Variants in ABCA13 observed in about 807,000 individuals in gnomAD.
The protein encoded by ABCA13 is ATP binding cassette subfamily A member 13, also known as ATP-binding cassette sub-family A member 13.
In ABCA13, 476 loss-of-function variants were observed where a neutral mutation model predicts 478.7. The observed-to-expected ratio is 0.99, with a 90% CI of 0.92 to 1.07. ABCA13 has a LOEUF of 1.07. Among genes scored for constraint, ABCA13 ranks in the 50% least tolerant of loss-of-function variants. The pLI, the probability that ABCA13 is intolerant of heterozygous loss-of-function variation, is 0.00. For synonymous variants in ABCA13, 2,252 were observed against 2,158.9 expected (o/e 1.04, Z -1.20); for missense variants, 6,060 against 5,910.6 (o/e 1.03, Z -0.83).
intron 34 of ABCA13, 33 bp downstream of exon 34, chr7:48,374,449 A>G: frequency 1.3e-6 from 2 of 1,573,834 alleles, no homozygotes; most frequent in African/African-American, 1.4e-5. Flanking sequence ...AGTGACTCTC[A>G]GTGAATCACG....
At chr7:48,480,221 C>T (rs1465556299) in intron 45 of ABCA13, among the ~76,000 whole-genome samples, 2 of 152,160 alleles carry the variant, frequency 1.3e-5, no homozygotes, top group African/African-American at 4.8e-5. Context: ...CATATAACCC[C>T]CACCAGTTTT....
intron 27 of ABCA13, 88 bp from the exon 28 acceptor site, chr7:48,335,334 G>T: frequency 2.3e-6 from 2 of 872,964 alleles, no homozygotes; most frequent in Admixed American, 3.0e-5. Flanking sequence ...TTGCTCTGGT[G>T]GCCACATCAT....
At chr7:48,496,281 A>T (rs977561444) in intron 48 of ABCA13, among the ~76,000 whole-genome samples, 1 of 152,184 alleles carries the variant, frequency 6.6e-6, no homozygotes, top group South Asian at 2.1e-4. Context: ...TCTAGGTGTT[A>T]TAATACATAT....
At chr7:48,225,135 G>GCCTTCCTT (rs1202516045) in intron 5 of ABCA13, among the ~76,000 whole-genome samples, 1,321 of 69,852 alleles carry the variant, frequency 0.019, 32 homozygotes, top group South Asian at 0.038. Context: ...CTGCCTGCCT[G>GCCTTCCTT]CCTTCCTTCC....
At chr7:48,296,950 T>A (rs1799461086) in intron 21 of ABCA13, among the ~76,000 whole-genome samples, 1 of 152,186 alleles carries the variant, frequency 6.6e-6, no homozygotes, top group South Asian at 2.1e-4. Flanking sequence ...TCTATTCTCT[T>A]CACAGTTGTG....
chr7:48,279,594 CA>C lies in ABCA13; in HGVS notation c.8401del (p.Thr2801HisfsTer3). ...ATTTGAATAAAAGTTTATATTTTGA[CA>C]CACCTTTGAGTCAGAATATAACTCA... The part of the protein sequence containing the change: ...GDLNKSLYFD[T>X]PLSQNITHHQ... On this transcript the variant is annotated frameshift_variant, in exon 18 of 62. Coordinates refer to ENST00000435803, the MANE Select transcript of ABCA13 (RefSeq NM_152701.5). LOFTEE classifies it high-confidence loss of function. 6.2e-7 allele frequency: 1 copy of C among 1,613,132 alleles called. No homozygotes were observed. Among genetic ancestry groups the C allele is most frequent in the Non-Finnish European group, 8.5e-7 (1 of 1,179,516 alleles).
Position 48,366,387 on chromosome 7 carries a change from T to C in ABCA13, c.10689-1407T>C, listed in dbSNP as rs1180556102. On this transcript the variant is annotated intron_variant, in intron 31 of 61. Coordinates refer to ENST00000435803, the MANE Select transcript of ABCA13 (RefSeq NM_152701.5). ...CTGAAATAGCATTCCTTCTCACTTT[T>C]GGTTAAGCTAGTTCTTTTTTACTCA... Among the ~76,000 whole-genome samples, 4 of 152,214 alleles carry C rather than the reference T, an allele frequency of 2.6e-5. No homozygotes were observed. The East Asian group carries it at 7.7e-4, about 29-fold the overall frequency.
In ABCA13 at chr7:48,511,533, C is replaced by T. The variant is rs147156553; in HGVS notation, c.13640+334C>T. On this transcript the variant is annotated intron_variant, in intron 51 of 61. Transcript: ENST00000435803. ...GCTCAAATACATAATCCAATTAACT[C>T]GGAGATTGCATTTGTGGAGGTTCTC... 7.1e-3 allele frequency among the ~76,000 whole-genome samples: 1,076 copies of T among 152,236 alleles called. 6 individuals carry two copies. Among genetic ancestry groups the T allele is most frequent in the African/African-American group, 0.024 (992 of 41,520 alleles).
chr7:48,452,349 G>T (rs1289567732), intron 42 of ABCA13, among the ~76,000 whole-genome samples: 1 of 152,148 alleles, frequency 6.6e-6, no homozygotes, highest in Non-Finnish European at 1.5e-5. Context: ...TATGTTGGTG[G>T]CTGAGATTAG....
intron 41 of ABCA13, among the ~76,000 whole-genome samples, chr7:48,417,991 C>A (rs572558538): frequency 6.6e-6 from 1 of 152,296 alleles, no homozygotes; most frequent in South Asian, 2.1e-4. Context: ...TAAATTTTCT[C>A]TGTGTCTTTT....
At chr7:48,370,067 A>T (rs1812395592) in intron 32 of ABCA13, among the ~76,000 whole-genome samples, 1 of 151,990 alleles carries the variant, frequency 6.6e-6, no homozygotes, top group Non-Finnish European at 1.5e-5. Flanking sequence ...GATTTCTTTT[A>T]ACAGTGTTTT....
intron 24 of ABCA13, among the ~76,000 whole-genome samples, chr7:48,312,096 T>C (rs1363806436): frequency 1.3e-5 from 2 of 152,220 alleles, no homozygotes; most frequent in African/African-American, 4.8e-5. Flanking sequence ...AATTCTGTCA[T>C]TATAAGCAGA....
At position 48,496,520 on chromosome 7, in the gene ABCA13, C is replaced by A. The variant is rs139412543; in HGVS notation, c.13291+7176C>A. ...CTATTATATTTACTTCTATTTTTAA[C>A]GTATCTTGATGTTCATCTTTCCTTT... On this transcript the variant is annotated intron_variant, in intron 48 of 61. Transcript: ENST00000435803. 1.4e-4 allele frequency among the ~76,000 whole-genome samples: 22 copies of A among 152,178 alleles called. No individual in the cohort carries two copies. In the East Asian group the frequency reaches 3.9e-3, roughly 27 times the overall value.
intron 47 of ABCA13, 64 bp downstream of exon 47, chr7:48,483,227 T>G: frequency 7.0e-7 from 1 of 1,429,424 alleles, no homozygotes; most frequent in South Asian, 1.3e-5. Flanking sequence ...AACATTCAAA[T>G]ATAATTTTGA....
chr7:48,228,535 T>A (rs931646027), intron 6 of ABCA13, among the ~76,000 whole-genome samples: 1 of 152,114 alleles, frequency 6.6e-6, no homozygotes, highest in Non-Finnish European at 1.5e-5. Context: ...GACCTACCTA[T>A]GTGCACTGAG....
At chr7:48,184,906 G>A (rs1299399354) in intron 1 of ABCA13, among the ~76,000 whole-genome samples, 2 of 152,172 alleles carry the variant, frequency 1.3e-5, no homozygotes, top group Admixed American at 6.5e-5. Context: ...TGAGAACACA[G>A]CTCACTGTAG....
chr7:48,219,440 T>C lies in ABCA13; in HGVS notation c.374T>C (p.Ile125Thr), dbSNP rs779368751. Residue 125 changes from isoleucine to threonine, a missense_variant, in exon 4 of 62, where the codon ATT becomes ACT. Coordinates refer to ENST00000435803, the MANE Select transcript of ABCA13 (RefSeq NM_152701.5). ...GAGATACAAGACCTGGCAGAGGAAA[T>C]TCATGGAATGATGGACAAGGCAAAA... ...LKEIQDLAEEIHGMMDKAKNL... is the reference protein window; with the variant it reads ...LKEIQDLAEETHGMMDKAKNL... The C allele has an allele frequency of 6.2e-6, 10 of 1,613,242 alleles. No homozygotes were observed. The highest frequency in any genetic ancestry group is 8.5e-6 in the Non-Finnish European group (10 of 1,179,664).
intron 55 of ABCA13, among the ~76,000 whole-genome samples, chr7:48,564,054 C>T (rs1786766552): frequency 6.6e-6 from 1 of 151,954 alleles, no homozygotes; most frequent in Non-Finnish European, 1.5e-5. Context: ...AAATAGATCT[C>T]CTTTCATCTT....
chr7:48,643,632 T>G (rs1163116107), intron 60 of ABCA13, among the ~76,000 whole-genome samples: 6 of 152,204 alleles, frequency 3.9e-5, no homozygotes, highest in Admixed American at 3.9e-4. Context: ...GAGCAGCCTG[T>G]GATTACATAT....
Sources: gnomAD v4.1 joint callset for allele counts (sites outside exome capture counted in the v4.1 genomes callset) on GRCh38, gnomAD v4.1.1 for gene constraint, MANE v1.5 for transcripts, NCBI Gene and HGNC (gene_info 2026-07-23, HGNC 2026-07-21) for gene names.